Variants in SLC13A1 observed in about 807,000 individuals in gnomAD.
SLC13A1 encodes the protein Na(+)/sulfate cotransporter.
In SLC13A1, 65 loss-of-function variants were observed where a neutral mutation model predicts 70.0. The observed-to-expected ratio is 0.93, with a 90% CI of 0.76 to 1.14. The LOEUF is 1.14. Among genes scored for constraint, SLC13A1 ranks in the 50% most tolerant of loss-of-function variants. The probability of loss-of-function intolerance (pLI) is 0.00; values close to 1 mark genes in which losing one functional copy is unlikely to be tolerated. For synonymous variants in SLC13A1, 275 were observed against 250.5 expected, an observed-to-expected ratio of 1.10 and a Z score of -0.92; for missense variants, 726 against 717.8, an observed-to-expected ratio of 1.01 and a Z score of -0.13.
chr7:123,161,735 C>T (rs1794910407), intron 6 of SLC13A1, among the ~76,000 whole-genome samples: 1 of 152,106 alleles, frequency 6.6e-6, no homozygotes, highest in African/African-American at 2.4e-5. Flanking sequence ...GCGACCAATC[C>T]ATACCTTAAC....
chr7:123,130,333 G>A (rs780442862), intron 8 of SLC13A1, among the ~76,000 whole-genome samples: 3 of 152,104 alleles, frequency 2.0e-5, no homozygotes, highest in Admixed American at 6.6e-5. Context: ...ATCAATGATA[G>A]ACTGGATAAA....
chr7:123,170,081 A>C (rs1333412333), intron 3 of SLC13A1, among the ~76,000 whole-genome samples: 1 of 152,182 alleles, frequency 6.6e-6, no homozygotes, highest in African/African-American at 2.4e-5. Context: ...AGCCATATCT[A>C]TAAACTTTCA....
At chr7:123,174,697 C>T (rs1293780057) in intron 2 of SLC13A1, among the ~76,000 whole-genome samples, 1 of 151,970 alleles carries the variant, frequency 6.6e-6, no homozygotes, top group Admixed American at 6.6e-5. Context: ...TAAGAACTTC[C>T]CATAGTTTTA....
At chr7:123,146,694 C>A (rs1300300159) in intron 7 of SLC13A1, among the ~76,000 whole-genome samples, 2 of 152,094 alleles carry the variant, frequency 1.3e-5, no homozygotes, top group South Asian at 4.1e-4. Flanking sequence ...TTATTACTGA[C>A]ACTTATTACA....
chr7:123,121,287 GC>G (rs2116265689), intron 12 of SLC13A1, among the ~76,000 whole-genome samples: 1 of 152,118 alleles, frequency 6.6e-6, no homozygotes, highest in East Asian at 1.9e-4. Context: ...TTTTACTGTT[GC>G]TTTCAGAGTT....
chr7:123,166,879 C>T (rs370274226), intron 6 of SLC13A1, among the ~76,000 whole-genome samples: 16 of 152,156 alleles, frequency 1.1e-4, no homozygotes, highest in African/African-American at 2.9e-4. Flanking sequence ...AAAAAGTGGG[C>T]GAAGGATATG....
intron 6 of SLC13A1, among the ~76,000 whole-genome samples, chr7:123,163,152 T>C (rs2116509149): frequency 1.3e-5 from 2 of 152,198 alleles, no homozygotes; most frequent in South Asian, 4.1e-4. Flanking sequence ...TCATTTCCCA[T>C]GGAAATTGTA....
At chr7:123,150,159 C>G (rs2462150) in intron 6 of SLC13A1, among the ~76,000 whole-genome samples, 92,183 of 151,914 alleles carry the variant, frequency 0.61, 28,162 homozygotes, top group African/African-American at 0.67. Context: ...TACTCTACCT[C>G]TTTCCACAAG....
At chr7:123,129,686 T>C (rs1471884974) in intron 8 of SLC13A1, among the ~76,000 whole-genome samples, 2 of 152,142 alleles carry the variant, frequency 1.3e-5, no homozygotes, top group Non-Finnish European at 2.9e-5. Flanking sequence ...TTTTCTGTTT[T>C]TGCCTGGTTT....
chr7:123,129,006 C>G, intron 9 of SLC13A1, 60 bp from the exon 10 acceptor site: 1 of 1,091,162 alleles, frequency 9.2e-7, no homozygotes, highest in Non-Finnish European at 1.4e-6. Context: ...TTTGTAGAAA[C>G]TCCTTGAGCT....
At chr7:123,144,246 A>T (rs920273427) in intron 7 of SLC13A1, among the ~76,000 whole-genome samples, 5 of 152,114 alleles carry the variant, frequency 3.3e-5, no homozygotes, top group Non-Finnish European at 7.4e-5. Flanking sequence ...AGGGATAGAG[A>T]TAAAAAATTG....
At chr7:123,194,914 T>C (rs1258677491) in intron 1 of SLC13A1, among the ~76,000 whole-genome samples, 1 of 152,142 alleles carries the variant, frequency 6.6e-6, no homozygotes, top group Non-Finnish European at 1.5e-5. Context: ...GATGAATCCT[T>C]AGTGGTTTAT....
chr7:123,133,427 C>CT lies in SLC13A1; in HGVS notation c.932+982_932+983insA, dbSNP rs1454663955. Among the ~76,000 whole-genome samples the CT allele has an allele frequency of 9.1e-3, 1,390 of 152,226 alleles. 16 individuals carry two copies. Among genetic ancestry groups the CT allele is most frequent in the African/African-American group, 0.032 (1,318 of 41,522 alleles). ...AAGTGGAGGGGCAAACCTTAAAATTCCCCTTTAACAAGTTGGACATCAGAT... is the reference window on the plus strand; with the variant it reads ...AAGTGGAGGGGCAAACCTTAAAATTCTCCCTTTAACAAGTTGGACATCAGAT... On this transcript the variant is annotated intron_variant, in intron 8 of 14. Transcript: ENST00000194130.
intron 11 of SLC13A1, among the ~76,000 whole-genome samples, chr7:123,124,679 G>A (rs1468184347): frequency 6.6e-6 from 1 of 151,226 alleles, no homozygotes; most frequent in Non-Finnish European, 1.5e-5. Flanking sequence ...TGTTTAAAAA[G>A]TGTGTGTGTC....
intron 7 of SLC13A1, among the ~76,000 whole-genome samples, chr7:123,140,062 G>A (rs888226645): frequency 6.7e-5 from 10 of 149,714 alleles, no homozygotes; most frequent in African/African-American, 1.9e-4. Context: ...GTTATCTGTC[G>A]TATACAGCTT....
intron 6 of SLC13A1, among the ~76,000 whole-genome samples, chr7:123,166,595 C>T (rs1201277226): frequency 6.6e-6 from 1 of 152,012 alleles, no homozygotes; most frequent in Non-Finnish European, 1.5e-5. Context: ...CTTCCTGTGC[C>T]CATGTGTTCT....
chr7:123,123,423 A>G (rs1000225509), intron 11 of SLC13A1, among the ~76,000 whole-genome samples, 188 bp from the exon 12 acceptor site: 2 of 152,166 alleles, frequency 1.3e-5, no homozygotes, highest in African/African-American at 4.8e-5. Flanking sequence ...TATAAAAAAG[A>G]GAAAACTCCA....
chr7:123,121,654 ACTGT>A (rs1190536698), intron 12 of SLC13A1, among the ~76,000 whole-genome samples: 3 of 152,146 alleles, frequency 2.0e-5, no homozygotes, highest in African/African-American at 7.2e-5. Flanking sequence ...AGAATTTGAA[ACTGT>A]CTATCTGCTC....
chr7:123,174,166 A>G (rs1387966512), intron 2 of SLC13A1, among the ~76,000 whole-genome samples: 1 of 152,080 alleles, frequency 6.6e-6, no homozygotes, highest in African/African-American at 2.4e-5. Context: ...GACTAAAATA[A>G]TGCCTGGCAC....
Sources: gnomAD v4.1 joint callset for allele counts (sites outside exome capture counted in the v4.1 genomes callset) on GRCh38, gnomAD v4.1.1 for gene constraint, MANE v1.5 for transcripts, NCBI Gene and HGNC (gene_info 2026-07-23, HGNC 2026-07-21) for gene names.